Variants in KCNQ2 observed in about 807,000 individuals in gnomAD.
KCNQ2 encodes the protein potassium voltage-gated channel subfamily Q member 2, also known as potassium voltage-gated channel subfamily KQT member 2.
KCNQ2 carries 14 observed loss-of-function variants against 84.8 expected under a neutral mutation model. That is an observed-to-expected ratio of 0.17 (90% CI 0.11 to 0.26). The LOEUF (loss-of-function observed/expected upper bound fraction) is 0.26, where lower values mean the gene tolerates loss of function less well. KCNQ2 is among the 10% of genes least tolerant of loss of function. The pLI is 1.00. For synonymous variants in KCNQ2, 599 were observed against 554.1 expected, an observed-to-expected ratio of 1.08 and a Z score of -1.14; for missense variants, 788 against 1,254.0, an observed-to-expected ratio of 0.63 and a Z score of 5.61.
At chr20:63,472,033 G>A (rs2082228777) in intron 1 of KCNQ2, 135 bp downstream of exon 1, 10 of 612,130 alleles carry the variant, frequency 1.6e-5, no homozygotes, top group South Asian at 7.1e-5. Flanking sequence ...ACTCCCGCCG[G>A]GGAGCGCCGG....
At chr20:63,409,249 T>C (rs973266671) in intron 15 of KCNQ2, among the ~76,000 whole-genome samples, 4 of 152,134 alleles carry the variant, frequency 2.6e-5, no homozygotes, top group Admixed American at 6.5e-5. Context: ...CTCATGTGCA[T>C]TGCACAAGTT....
chr20:63,451,158 C>G (rs912601177), intron 1 of KCNQ2, among the ~76,000 whole-genome samples: 3 of 147,340 alleles, frequency 2.0e-5, no homozygotes, highest in Non-Finnish European at 3.0e-5. Flanking sequence ...AAAAAAGAAA[C>G]AAACAAACAA....
At chr20:63,440,314 A>G (rs921318773) in intron 5 of KCNQ2, among the ~76,000 whole-genome samples, 1 of 152,014 alleles carries the variant, frequency 6.6e-6, no homozygotes, top group Non-Finnish European at 1.5e-5. Context: ...TGAGCCCAGG[A>G]GCACCCGACT....
chr20:63,421,100 C>T (rs74853996), intron 11 of KCNQ2, among the ~76,000 whole-genome samples: 4,129 of 152,276 alleles, frequency 0.027, 178 homozygotes, highest in African/African-American at 0.095. Flanking sequence ...TTCCCCACCC[C>T]AGGGAAAGAG....
intron 15 of KCNQ2, chr20:63,412,087 C>T (rs767722455): frequency 4.7e-5 from 25 of 535,868 alleles, no homozygotes; most frequent in South Asian, 1.5e-4. Flanking sequence ...GCTTTTGACT[C>T]GGGAGCGGGT....
chr20:63,422,086 C>T (rs974683904), intron 11 of KCNQ2, among the ~76,000 whole-genome samples: 7 of 152,138 alleles, frequency 4.6e-5, no homozygotes, highest in Admixed American at 6.5e-5. Context: ...TCCTGCCATG[C>T]GGGGTGCGGG....
Position 63,442,789 on chromosome 20 carries a change from CACCATT to C in KCNQ2, c.691-264_691-259del, listed in dbSNP as rs2081228690. 2.0e-5 allele frequency among the ~76,000 whole-genome samples: 2 copies of C among 99,300 alleles called. 1 individual carries two copies. The highest frequency in any genetic ancestry group is 4.2e-5 in the Non-Finnish European group (2 of 47,116). The allele number at this position is 99,300 out of a possible 152,430, so 65.1% of individuals were successfully genotyped here. On this transcript the variant is annotated intron_variant, in intron 4 of 16. Coordinates refer to ENST00000359125, the MANE Select transcript of KCNQ2 (RefSeq NM_172107.4). ...CCATCACCATCACCACCACCACCAT[CACCATT>C]ACCACCACCATTACCACCACCATCA...
chr20:63,406,501 GCC>G lies in KCNQ2; in HGVS notation c.*141_*142del. On this transcript the variant is annotated 3_prime_UTR_variant, in exon 17 of 17. Coordinates refer to ENST00000359125, the MANE Select transcript of KCNQ2 (RefSeq NM_172107.4). ...CACTGCCAGGAGCCCCCATCCTTCA[GCC>G]CACATGGGCCCCTCCAGGGCCCACC... The G allele has an allele frequency of 2.0e-6, 2 of 988,210 alleles. No individual in the cohort carries two copies. The highest frequency in any genetic ancestry group is 2.9e-6 in the Non-Finnish European group (2 of 692,948). The allele number at this position is 988,210 out of a possible 1,614,324, so 61.2% of individuals were successfully genotyped here.
At position 63,407,001 on chromosome 20, in the gene KCNQ2, G is replaced by T; in HGVS notation, c.2262C>A (p.Ala754=). The change falls in exon 17 of 17, where the codon GCC becomes GCA. Residue 754 remains alanine, a synonymous_variant. Coordinates refer to ENST00000359125, the MANE Select transcript of KCNQ2 (RefSeq NM_172107.4). This position sits in a 1 kb window ranked among gnomAD's most constrained non-coding sequence, Gnocchi z 7.2. Reference sequence around the variant, plus strand: ...TGCTGGCGCGGTTGCCCCCGCCGTAGGCGGACAGCGACCGCTCGTGGGCAG... The same window carrying T: ...TGCTGGCGCGGTTGCCCCCGCCGTATGCGGACAGCGACCGCTCGTGGGCAG... ...PPPAHERSLS[A]YGGGNRASME... 1 of 1,538,350 alleles carries T rather than the reference G, an allele frequency of 6.5e-7. No homozygotes were observed. The highest frequency in any genetic ancestry group is 2.4e-5 in the East Asian group (1 of 41,536).
chr20:63,401,291 G>A lies in KCNQ2; in HGVS notation c.*5353C>T, dbSNP rs753821239. On this transcript the variant is annotated 3_prime_UTR_variant, in exon 17 of 17. Coordinates refer to ENST00000359125, the MANE Select transcript of KCNQ2 (RefSeq NM_172107.4). ...GGCGATGTCACCTCCTCCCAGGGTCGGCCGTCAGCCCCCACCCTTACAAGA... is the reference window on the plus strand; with the variant it reads ...GGCGATGTCACCTCCTCCCAGGGTCAGCCGTCAGCCCCCACCCTTACAAGA... The A allele has an allele frequency of 1.4e-4, 24 of 166,742 alleles. No homozygotes were observed. The East Asian group carries it at 1.7e-3, about 12-fold the overall frequency. The allele number at this position is 166,742 out of a possible 1,614,324, so 10.3% of individuals were successfully genotyped here.
chr20:63,445,271 G>A lies in KCNQ2; in HGVS notation c.481C>T (p.Leu161Phe). The change falls in exon 3 of 17, where the codon CTC becomes TTC. Residue 161 changes from leucine (L) to phenylalanine (F), a missense_variant. Transcript: ENST00000359125. ...CAGAACGGTTTCCGGGCAAACTTGA[G>A]CCGCCCCCTCCAGCCACGGTACCGG... ...CCRYRGWRGR[L>F]KFARKPFCVI... The A allele has an allele frequency of 6.2e-7, 1 of 1,613,860 alleles. No individual in the cohort carries two copies. Among genetic ancestry groups the A allele is most frequent in the Non-Finnish European group, 8.5e-7 (1 of 1,180,016 alleles).
At chr20:63,461,123 C>T (rs2081935491) in intron 1 of KCNQ2, 2 of 152,376 alleles carry the variant, frequency 1.3e-5, no homozygotes, top group Admixed American at 6.5e-5. Context: ...GATGTGCTTA[C>T]TTTGCAGTCA....
intron 1 of KCNQ2, chr20:63,449,016 T>C (rs896446689): frequency 2.0e-5 from 3 of 151,996 alleles, no homozygotes; most frequent in African/African-American, 7.3e-5. Flanking sequence ...GGCCCCAGAA[T>C]CTCTGCTGGA....
At chr20:63,440,178 T>G (rs958700253) in intron 5 of KCNQ2, among the ~76,000 whole-genome samples, 18 of 150,986 alleles carry the variant, frequency 1.2e-4, no homozygotes, top group African/African-American at 4.4e-4. Flanking sequence ...GGGGGAGTGG[T>G]CTCCACCGAG....
chr20:63,446,949 T>C lies in KCNQ2; in HGVS notation c.297-112A>G. 2 of 940,076 alleles carry C rather than the reference T, an allele frequency of 2.1e-6. No individual in the cohort carries two copies. The highest frequency in any genetic ancestry group is 3.5e-6 in the Non-Finnish European group (2 of 575,898). The allele number at this position is 940,076 out of a possible 1,614,324, so 58.2% of individuals were successfully genotyped here. A position where few individuals can be genotyped will look rare whatever the true frequency, so the allele number is the denominator to read the frequency against. On this transcript the variant is annotated intron_variant, in intron 1 of 16. Transcript: ENST00000359125. This position sits in a 1 kb window ranked among gnomAD's most constrained non-coding sequence, Gnocchi z 5.5. ...ACCAGGCCGCAGCAGGGCACCAGCATGGCCGCGTCTCCAGAACGCAGGACC... is the reference window on the plus strand; with the variant it reads ...ACCAGGCCGCAGCAGGGCACCAGCACGGCCGCGTCTCCAGAACGCAGGACC...
chr20:63,429,182 C>T (rs562261908), intron 9 of KCNQ2, among the ~76,000 whole-genome samples: 2 of 151,274 alleles, frequency 1.3e-5, no homozygotes, highest in South Asian at 2.1e-4. Flanking sequence ...CTCCCACCCA[C>T]CTCACTCTGC....
In KCNQ2 at chr20:63,408,222, CG is replaced by C; in HGVS notation, c.1887+190del. On this transcript the variant is annotated intron_variant, in intron 16 of 16. Coordinates refer to ENST00000359125, the MANE Select transcript of KCNQ2 (RefSeq NM_172107.4). This position sits in a 1 kb window ranked among gnomAD's most constrained non-coding sequence, Gnocchi z 5.0. ...CTGTCAGGAGGGAAGGCACCCAGGC[CG>C]GGGGTGGGAGGCTCACGGTGGGGTG... 1.4e-6 allele frequency: 1 copy of C among 710,706 alleles called. No individual in the cohort carries two copies. The allele number at this position is 710,706 out of a possible 1,614,324, so 44.0% of individuals were successfully genotyped here.
rs1173526486 is a variant in KCNQ2, at chr20:63,406,310, T to C, written c.*334A>G. On this transcript the variant is annotated 3_prime_UTR_variant, in exon 17 of 17. Transcript: ENST00000359125. ...GACAACCCCCCGCCTGTTGCCACGC[T>C]GGCAACACCCCGTCATCACTCCCGC... 4 of 302,370 alleles carry C rather than the reference T, an allele frequency of 1.3e-5. No homozygotes were observed. The highest frequency in any genetic ancestry group is 2.5e-5 in the Non-Finnish European group (4 of 160,706). The allele number at this position is 302,370 out of a possible 1,614,324, so 18.7% of individuals were successfully genotyped here.
chr20:63,413,595 G>C lies in KCNQ2; in HGVS notation c.1632-14C>G. The C allele has an allele frequency of 6.2e-7, 1 of 1,611,138 alleles. No homozygotes were observed. The highest frequency in any genetic ancestry group is 8.5e-7 in the Non-Finnish European group (1 of 1,178,526). ...AACCGCATGACACTGCAGGGGGGTG[G>C]GTGGGGCTGTGAGCCCTGGGCCAGA... On this transcript the variant is annotated splice_polypyrimidine_tract_variant and intron_variant, in intron 14 of 16. Transcript: ENST00000359125.
Sources: allele counts gnomAD v4.1 joint callset (sites outside exome capture counted in the v4.1 genomes callset), GRCh38; gene constraint gnomAD v4.1.1; non-coding constraint Gnocchi (gnomAD v3.1); transcripts MANE v1.5; gene names NCBI Gene and HGNC (gene_info 2026-07-23, HGNC 2026-07-21).